Variants in PRORP observed in about 807,000 individuals in gnomAD.
PRORP encodes protein only RNase P catalytic subunit, also known as mitochondrial ribonuclease P catalytic subunit.
PRORP carries 51 observed loss-of-function variants against 59.4 expected under a neutral mutation model. The ratio of observed to expected loss-of-function variants is 0.86; its 90% CI spans 0.69 to 1.08. The LOEUF (loss-of-function observed/expected upper bound fraction) is 1.08. Ranked by LOEUF, PRORP falls within the 50% of genes least tolerant of loss-of-function variation. The pLI is 0.00. For synonymous variants in PRORP, 231 were observed against 245.6 expected (o/e 0.94, Z 0.55); for missense variants, 646 against 690.3 (o/e 0.94, Z 0.72).
intron 6 of PRORP, among the ~76,000 whole-genome samples, chr14:35,267,974 C>T (rs996036533): frequency 1.3e-5 from 2 of 152,106 alleles, no homozygotes; most frequent in African/African-American, 4.8e-5. Flanking sequence ...AGATTTTATT[C>T]TAAGTGTAGG....
intron 5 of PRORP, among the ~76,000 whole-genome samples, chr14:35,237,304 G>T (rs1249082179): frequency 6.6e-6 from 1 of 151,584 alleles, no homozygotes; most frequent in Non-Finnish European, 1.5e-5. Flanking sequence ...TGTTGCCCAG[G>T]CGGATCTCAA....
At chr14:35,133,377 T>C (rs1333564990) in intron 4 of PRORP, among the ~76,000 whole-genome samples, 1 of 152,206 alleles carries the variant, frequency 6.6e-6, no homozygotes, top group Non-Finnish European at 1.5e-5. Flanking sequence ...TTTCAATCTC[T>C]TTGTTAAATT....
chr14:35,149,892 C>G (rs140606614), intron 4 of PRORP, among the ~76,000 whole-genome samples: 25 of 152,132 alleles, frequency 1.6e-4, no homozygotes, highest in Non-Finnish European at 2.9e-5. Flanking sequence ...CTCTATCACC[C>G]AGGCTGGAGT....
At chr14:35,135,011 T>C (rs2047338205) in intron 4 of PRORP, among the ~76,000 whole-genome samples, 1 of 152,226 alleles carries the variant, frequency 6.6e-6, no homozygotes, top group Non-Finnish European at 1.5e-5. Flanking sequence ...ATGCCCCTTC[T>C]GTGGGTGGGT....
chr14:35,207,351 AAAGTT>A (rs2049320798), intron 5 of PRORP, among the ~76,000 whole-genome samples: 1 of 152,252 alleles, frequency 6.6e-6, no homozygotes. Context: ...TCAGACAAGG[AAAGTT>A]AAGAACTGTT....
chr14:35,179,174 T>A lies in PRORP; in HGVS notation c.1168-1496T>A, dbSNP rs182661832. 1.6e-3 allele frequency among the ~76,000 whole-genome samples: 241 copies of A among 152,340 alleles called. No homozygotes were observed. The South Asian group carries it at 0.018, about 11-fold the overall frequency. ...CCTTTCTCTCTAGCTGCCCTTAACA[T>A]TTTTTCCTTCATTTCAACTTTAGTG... is the stretch of plus-strand genomic sequence containing the variant. On this transcript the variant is annotated intron_variant, in intron 4 of 7. Transcript: ENST00000534898.
intron 5 of PRORP, chr14:35,235,400 T>A (rs1486706714): frequency 2.9e-6 from 2 of 694,356 alleles, no homozygotes; most frequent in Non-Finnish European, 5.3e-6. Context: ...GTGGACTAGA[T>A]GTCCCAGTCT....
At chr14:35,269,567 A>C (rs1385786895) in intron 6 of PRORP, among the ~76,000 whole-genome samples, 1 of 152,178 alleles carries the variant, frequency 6.6e-6, no homozygotes, top group Non-Finnish European at 1.5e-5. Context: ...TCCTCATGTA[A>C]CTGTCACCCG....
At chr14:35,217,513 A>AG (rs1440492733) in intron 5 of PRORP, among the ~76,000 whole-genome samples, 2 of 151,684 alleles carry the variant, frequency 1.3e-5, no homozygotes, top group African/African-American at 2.4e-5. Flanking sequence ...AAAAAAAAAA[A>AG]AAAAGAAAAG....
intron 4 of PRORP, among the ~76,000 whole-genome samples, chr14:35,150,377 TATTG>T (rs963928113): frequency 1.3e-5 from 2 of 152,180 alleles, no homozygotes; most frequent in Non-Finnish European, 2.9e-5. Context: ...ACACAACATT[TATTG>T]ATTAAGTTTA....
At chr14:35,194,666 A>C (rs1344269622) in intron 5 of PRORP, among the ~76,000 whole-genome samples, 1 of 152,208 alleles carries the variant, frequency 6.6e-6, no homozygotes, top group Non-Finnish European at 1.5e-5. Context: ...CGTGTATCCC[A>C]GAACTTAAAG....
intron 4 of PRORP, among the ~76,000 whole-genome samples, chr14:35,138,874 T>C (rs894933630): frequency 6.9e-6 from 1 of 144,792 alleles, no homozygotes; most frequent in South Asian, 2.3e-4. Context: ...CACTGCACCC[T>C]CTGTCTCCTG....
chr14:35,230,950 C>T (rs2050062963), intron 5 of PRORP, among the ~76,000 whole-genome samples: 1 of 118,516 alleles, frequency 8.4e-6, no homozygotes, highest in South Asian at 2.6e-4. Context: ...CACACACACA[C>T]ACACACACAC....
intron 4 of PRORP, among the ~76,000 whole-genome samples, chr14:35,176,562 G>T (rs1430771005): frequency 6.6e-6 from 1 of 152,144 alleles, no homozygotes; most frequent in Admixed American, 6.5e-5. Context: ...TGGTGTGTAA[G>T]AATGCTTGTG....
Position 35,123,134 on chromosome 14 carries a change from A to T in PRORP, c.-112A>T, listed in dbSNP as rs373426006. The stretch of plus-strand genomic sequence containing the variant: ...TGTAAGGAAGAAACACAAACCTTTT[A>T]AAAAGTTCCACTTCGACTCTGCACC... On this transcript the variant is annotated 5_prime_UTR_variant, in exon 2 of 8. Transcript: ENST00000534898. 114 of 1,100,824 alleles carry T rather than the reference A, an allele frequency of 1.0e-4. No homozygotes were observed. The Middle Eastern group carries it at 1.9e-3, about 18-fold the overall frequency. The allele number at this position is 1,100,824 out of a possible 1,614,324, so 68.2% of individuals were successfully genotyped here.
chr14:35,126,238 A>G (rs1373062122), intron 2 of PRORP, among the ~76,000 whole-genome samples: 1 of 152,256 alleles, frequency 6.6e-6, no homozygotes, highest in Non-Finnish European at 1.5e-5. Context: ...GGAGGAAAGG[A>G]TACATTGATT....
intron 5 of PRORP, among the ~76,000 whole-genome samples, chr14:35,256,157 A>G (rs149494628): frequency 0.11 from 17,150 of 149,316 alleles, 1,620 homozygotes; most frequent in African/African-American, 0.25. Flanking sequence ...GGTGGCAGGC[A>G]CCTGTAATCC....
At chr14:35,165,504 A>G (rs2048161559) in intron 4 of PRORP, among the ~76,000 whole-genome samples, 1 of 152,228 alleles carries the variant, frequency 6.6e-6, no homozygotes, top group South Asian at 2.1e-4. Context: ...GTTTCTTAAT[A>G]GCATTGTGAT....
rs71121272 is a variant in PRORP at position 35,256,869 on chromosome 14, C to CT, written c.1276-9844dup. Reference sequence around the variant, plus strand: ...TATTTAAAATTTTTATGATAAAATCCTTTTTTTTTTTTTTCTTTTTTGAGA... The same window carrying CT: ...TATTTAAAATTTTTATGATAAAATCCTTTTTTTTTTTTTTTCTTTTTTGAGA... On this transcript the variant is annotated intron_variant, in intron 5 of 7. Transcript: ENST00000534898. Among the ~76,000 whole-genome samples the CT allele has an allele frequency of 7.7e-3, 1,060 of 136,934 alleles. 11 individuals are homozygous for CT. The highest frequency in any genetic ancestry group is 0.023 in the African/African-American group (892 of 38,218). The allele number at this position is 136,934 out of a possible 152,430, so 89.8% of individuals were successfully genotyped here. A position where few individuals can be genotyped will look rare whatever the true frequency, so the allele number is the denominator to read the frequency against.
Sources: allele counts gnomAD v4.1 joint callset (sites outside exome capture counted in the v4.1 genomes callset), GRCh38; gene constraint gnomAD v4.1.1; transcripts MANE v1.5; gene names NCBI Gene and HGNC (gene_info 2026-07-23, HGNC 2026-07-21).